The following ZNF800 variants were observed in gnomAD, a reference collection of about 807,000 sequenced individuals.
ZNF800 encodes zinc finger protein 800.
In ZNF800, 13 loss-of-function variants were observed where a neutral mutation model predicts 59.5. The ratio of observed to expected loss-of-function variants is 0.22; its 90% CI spans 0.14 to 0.35. ZNF800 has a LOEUF of 0.35. Among genes scored for constraint, ZNF800 ranks in the 10% least tolerant of loss-of-function variants. The pLI, the probability that ZNF800 is intolerant of heterozygous loss-of-function variation, is 1.00. For synonymous variants in ZNF800, 266 were observed against 265.7 expected (o/e 1.00, Z -0.01); for missense variants, 621 against 783.7 (o/e 0.79, Z 2.48).
chr7:127,381,332 A>G (rs2117161312), intron 3 of ZNF800, among the ~76,000 whole-genome samples: 1 of 152,300 alleles, frequency 6.6e-6, no homozygotes, highest in South Asian at 2.1e-4. Flanking sequence ...ACAACTCCTG[A>G]AGGAAATTTC....
chr7:127,376,443 G>T (rs1800789740), intron 4 of ZNF800, among the ~76,000 whole-genome samples: 1 of 151,960 alleles, frequency 6.6e-6, no homozygotes, highest in Non-Finnish European at 1.5e-5. Context: ...ATTCTTTAAA[G>T]AAAGAAAATA....
At chr7:127,358,990 ATTTC>A (rs1800339987) in intron 1 of ZNF800, among the ~76,000 whole-genome samples, 1 of 152,142 alleles carries the variant, frequency 6.6e-6, no homozygotes, top group Non-Finnish European at 1.5e-5. Context: ...TTTTTAAATA[ATTTC>A]TTTCATCTTC....
chr7:127,363,373 C>A (rs1363422587), intron 1 of ZNF800: 2 of 151,754 alleles, frequency 1.3e-5, no homozygotes, highest in African/African-American at 4.8e-5. Flanking sequence ...AAACCTTAAT[C>A]CATATTTGAA....
Position 127,377,345 on chromosome 7 carries a change from A to G in ZNF800, c.158-16T>C, listed in dbSNP as rs1800816463. On this transcript the variant is annotated splice_polypyrimidine_tract_variant and intron_variant, in intron 3 of 5. Transcript: ENST00000265827. This position sits in a 1 kb window ranked among gnomAD's most constrained non-coding sequence, Gnocchi z 4.7. ...TGTTTAGTTCCTGAGAGAAAAAAGAAAAGAAAAACTTAACACAAAAGGTAA... is the reference window on the plus strand; with the variant it reads ...TGTTTAGTTCCTGAGAGAAAAAAGAGAAGAAAAACTTAACACAAAAGGTAA... 2 of 1,578,936 alleles carry G rather than the reference A, an allele frequency of 1.3e-6. No individual in the cohort carries two copies. The highest frequency in any genetic ancestry group is 1.7e-6 in the Non-Finnish European group (2 of 1,163,000).
In ZNF800 at chr7:127,374,991, A is replaced by C. The variant is rs752545114; in HGVS notation, c.345T>G (p.Asp115Glu). 6.2e-7 allele frequency: 1 copy of C among 1,602,088 alleles called. No individual in the cohort carries two copies. The highest frequency in any genetic ancestry group is 1.3e-5 in the African/African-American group (1 of 74,210). ...VNDKQSQAIN[D>E]LLEAIYPSVD... ...CACTTGGATATATGGCTTCTAGGAG[A>C]TCATTTATGGCTTGGCTTTGTTTAT... The change falls in exon 5 of 6, where the codon GAT (aspartate) becomes GAG (glutamate). Residue 115 changes from aspartate to glutamate, a missense_variant. Asp to Glu is a conservative substitution (Grantham distance 45, BLOSUM62 2). Transcript: ENST00000265827.
Position 127,373,788 on chromosome 7 carries a change from A to C in ZNF800, c.1548T>G (p.Val516=). 6.2e-7 allele frequency: 1 copy of C among 1,614,148 alleles called. No homozygotes were observed. Among genetic ancestry groups the C allele is most frequent in the Middle Eastern group, 1.6e-4 (1 of 6,062 alleles). ...TGCAAAGAGGACACTTGTAGAATTT[A>C]ACATAAATGTTATTTCCATCTGTGT... ...ELHTDGNNIY[V]KFYKCPLCTY... Residue 516 remains valine (V), a synonymous_variant, in exon 5 of 6, where the codon GTT becomes GTG. Transcript: ENST00000265827.
intron 1 of ZNF800, among the ~76,000 whole-genome samples, chr7:127,355,237 G>C (rs1466049500): frequency 6.6e-6 from 1 of 151,976 alleles, no homozygotes; most frequent in East Asian, 1.9e-4. Context: ...TAGAGCAATA[G>C]AAAGCTTAGA....
At chr7:127,362,651 GAAGA>G (rs1267371723) in intron 1 of ZNF800, 1 of 152,092 alleles carries the variant, frequency 6.6e-6, no homozygotes, top group Non-Finnish European at 1.5e-5. Flanking sequence ...TCTCCAGTGG[GAAGA>G]AAGACATTAA....
intron 3 of ZNF800, among the ~76,000 whole-genome samples, chr7:127,383,230 T>C (rs183265685): frequency 1.3e-5 from 2 of 152,276 alleles, no homozygotes; most frequent in East Asian, 3.9e-4. Flanking sequence ...TACCTGGTCA[T>C]AGACAGCCCA....
At chr7:127,348,431 CAAA>C (rs72267169) in intron 1 of ZNF800, among the ~76,000 whole-genome samples, 137 of 131,006 alleles carry the variant, frequency 1.0e-3, no homozygotes, top group East Asian at 4.7e-3. Context: ...AAAAAAATGG[CAAA>C]AAAAAAAAAA....
intron 1 of ZNF800, chr7:127,364,881 G>T (rs949565237): frequency 4.6e-5 from 7 of 152,144 alleles, no homozygotes; most frequent in Admixed American, 2.6e-4. Flanking sequence ...AGATGGGGTT[G>T]AAGGCTTAAG....
chr7:127,383,225 G>C (rs1483320473), intron 3 of ZNF800, among the ~76,000 whole-genome samples: 1 of 152,148 alleles, frequency 6.6e-6, no homozygotes, highest in Non-Finnish European at 1.5e-5. Flanking sequence ...ATTAATACCT[G>C]GTCATAGACA....
chr7:127,391,695 T>A, intron 1 of ZNF800, 80 bp from the exon 2 acceptor site: 1 of 717,934 alleles, frequency 1.4e-6, no homozygotes, highest in East Asian at 2.7e-5. Context: ...TACGTTCCCA[T>A]CATCAGCTCT....
intron 2 of ZNF800, 111 bp downstream of exon 2, chr7:127,391,386 T>C (rs1801309401): frequency 3.8e-6 from 4 of 1,057,758 alleles, no homozygotes; most frequent in South Asian, 2.6e-5. Flanking sequence ...GGGAATATCA[T>C]AGCCTGCTTA....
At chr7:127,387,293 T>C (rs966646459) in intron 2 of ZNF800, among the ~76,000 whole-genome samples, 2 of 152,210 alleles carry the variant, frequency 1.3e-5, no homozygotes, top group South Asian at 2.1e-4. Context: ...CATAATGTTC[T>C]ACTCAACTAT....
rs1800600013 is a variant in ZNF800 at position 127,370,230 on chromosome 7, T to C, written c.*1584A>G. 1 of 152,236 alleles carries C rather than the reference T, an allele frequency of 6.6e-6. No homozygotes were observed. Among genetic ancestry groups the C allele is most frequent in the Non-Finnish European group, 1.5e-5 (1 of 68,006 alleles). 9.4% of individuals were successfully genotyped at this position (152,236 alleles called of 1,614,324 possible). On this transcript the variant is annotated 3_prime_UTR_variant, in exon 6 of 6. Transcript: ENST00000265827. Reference sequence around the variant, plus strand: ...AAATTAAAGAGAAATTATTACTCTATTTCTTAGAAATAAAACTATCAGAAT... The same window carrying C: ...AAATTAAAGAGAAATTATTACTCTACTTCTTAGAAATAAAACTATCAGAAT...
intron 3 of ZNF800, among the ~76,000 whole-genome samples, chr7:127,378,908 TA>T (rs1380668687): frequency 4.9e-4 from 75 of 152,096 alleles, no homozygotes; most frequent in Non-Finnish European, 1.6e-4. Flanking sequence ...ACTCATGTTG[TA>T]AAATAGAACA....
intron 1 of ZNF800, among the ~76,000 whole-genome samples, chr7:127,356,801 TAAGGG>T (rs954083239): frequency 2.0e-5 from 3 of 152,002 alleles, no homozygotes; most frequent in African/African-American, 7.2e-5. Context: ...CTCTAGATCA[TAAGGG>T]AATAAAAAAA....
In ZNF800 at chr7:127,356,291, G is replaced by T. The variant is rs1012417360; in HGVS notation, n.225-8248C>A. 3.3e-5 allele frequency among the ~76,000 whole-genome samples: 5 copies of T among 151,906 alleles called. No homozygotes were observed. The East Asian group carries it at 9.7e-4, about 29-fold the overall frequency. On this transcript the variant is annotated intron_variant and non_coding_transcript_variant, in intron 1 of 1. Coordinates refer to the ZNF800 transcript ENST00000485577. ...TGTGTATGTGTGTGTGAGAGAGAGA[G>T]AGTGTGTGTTGTTATTGGTAGCATA...
Sources: gnomAD v4.1 joint callset for allele counts (sites outside exome capture counted in the v4.1 genomes callset) on GRCh38, gnomAD v4.1.1 for gene constraint, Gnocchi (gnomAD v3.1) non-coding constraint, MANE v1.5 for transcripts, NCBI Gene and HGNC (gene_info 2026-07-23, HGNC 2026-07-21) for gene names.